The following MECOM variants were observed in gnomAD, a reference collection of about 807,000 sequenced individuals.
MECOM encodes MDS1 and EVI1 complex locus.
MECOM carries 13 observed loss-of-function variants against 116.3 expected under a neutral mutation model. The observed-to-expected ratio is 0.11, with a 90% confidence interval of 0.07 to 0.18. The LOEUF is 0.18. MECOM is among the 10% of genes least tolerant of loss of function. The pLI is 1.00. For synonymous variants in MECOM, 528 were observed against 535.2 expected (o/e 0.99, Z 0.19); for missense variants, 1,299 against 1,509.0 (o/e 0.86, Z 2.31).
intron 2 of MECOM, among the ~76,000 whole-genome samples, chr3:169,247,151 T>G (rs910626169): frequency 6.6e-6 from 1 of 152,216 alleles, no homozygotes; most frequent in Non-Finnish European, 1.5e-5. Context: ...TGAAACTTTT[T>G]GTATAACCCT....
chr3:169,527,955 G>C (rs1758152730), intron 1 of MECOM, among the ~76,000 whole-genome samples: 1 of 152,156 alleles, frequency 6.6e-6, no homozygotes, highest in East Asian at 1.9e-4. Flanking sequence ...GCATACTTAG[G>C]CGTGTGCATG....
intron 2 of MECOM, among the ~76,000 whole-genome samples, chr3:169,318,890 G>A (rs960964675): frequency 1.3e-5 from 2 of 152,106 alleles, no homozygotes; most frequent in South Asian, 2.1e-4. Flanking sequence ...CCTGAGGTCA[G>A]GAGTTCGAGA....
chr3:169,089,943 T>C, intron 15 of MECOM, 57 bp downstream of exon 15: 1 of 1,538,612 alleles, frequency 6.5e-7, no homozygotes, highest in Non-Finnish European at 8.7e-7. Context: ...CAGGAGGAAT[T>C]GCAACCGTAC....
chr3:169,572,765 G>A (rs1764057096), intron 1 of MECOM, among the ~76,000 whole-genome samples: 1 of 152,064 alleles, frequency 6.6e-6, no homozygotes, highest in African/African-American at 2.4e-5. Context: ...ACTCATAAGT[G>A]GGAGTTGAAC....
chr3:169,286,259 T>C (rs1358459850), intron 2 of MECOM, among the ~76,000 whole-genome samples: 3 of 152,164 alleles, frequency 2.0e-5, no homozygotes, highest in East Asian at 1.9e-4. Context: ...AGGGACCCAG[T>C]AGGGCTGCCT....
At chr3:169,362,099 A>G (rs949236818) in intron 2 of MECOM, among the ~76,000 whole-genome samples, 1 of 151,896 alleles carries the variant, frequency 6.6e-6, no homozygotes, top group African/African-American at 2.4e-5. Context: ...ATGTAATTTA[A>G]AGTTAACTTG....
intron 2 of MECOM, among the ~76,000 whole-genome samples, chr3:169,248,194 A>C (rs150413782): frequency 2.4e-3 from 370 of 152,318 alleles, no homozygotes; most frequent in African/African-American, 8.6e-3. Context: ...TACTTGGGAA[A>C]ATCACTCCAA....
At chr3:169,543,644 A>G (rs1165069401) in intron 1 of MECOM, among the ~76,000 whole-genome samples, 1 of 152,192 alleles carries the variant, frequency 6.6e-6, no homozygotes, top group Admixed American at 6.5e-5. Context: ...AAATCAAAAC[A>G]CAATTCTAAC....
intron 1 of MECOM, among the ~76,000 whole-genome samples, chr3:169,529,081 T>C (rs977753014): frequency 6.7e-6 from 1 of 149,534 alleles, no homozygotes; most frequent in Non-Finnish European, 1.5e-5. Flanking sequence ...AGTGATTGAA[T>C]AAAAATTAAA....
chr3:169,100,772 C>T (rs9857376), intron 12 of MECOM, 113 bp downstream of exon 12: 435,427 of 452,616 alleles, frequency 0.96, 209,527 homozygotes, highest in East Asian at 0.99. Flanking sequence ...TATTCAGACA[C>T]GCATAAAATT....
At chr3:169,638,032 A>G (rs2110010562) in intron 1 of MECOM, among the ~76,000 whole-genome samples, 1 of 152,358 alleles carries the variant, frequency 6.6e-6, no homozygotes, top group African/African-American at 2.4e-5. Flanking sequence ...GTCTCTCTGG[A>G]GAAGAAATAT....
chr3:169,108,355 G>T (rs374476130), intron 9 of MECOM, among the ~76,000 whole-genome samples: 3 of 152,224 alleles, frequency 2.0e-5, no homozygotes, highest in Middle Eastern at 3.4e-3. Flanking sequence ...ACAAAGAAAA[G>T]ATATTTACTC....
At chr3:169,540,810 C>T (rs998714455) in intron 1 of MECOM, among the ~76,000 whole-genome samples, 3 of 152,126 alleles carry the variant, frequency 2.0e-5, no homozygotes, top group Non-Finnish European at 4.4e-5. Context: ...TTTCCTTCCT[C>T]TCAAACATAT....
chr3:169,387,188 T>C (rs1733481524), intron 1 of MECOM, among the ~76,000 whole-genome samples: 1 of 152,218 alleles, frequency 6.6e-6, no homozygotes, highest in Admixed American at 6.5e-5. Context: ...CCTTGAATTT[T>C]CTTTGAGTTT....
At chr3:169,184,298 T>C (rs1746430611) in intron 2 of MECOM, among the ~76,000 whole-genome samples, 1 of 152,024 alleles carries the variant, frequency 6.6e-6, no homozygotes, top group Non-Finnish European at 1.5e-5. Flanking sequence ...AGAATAAACG[T>C]GACCATGGAC....
intron 1 of MECOM, among the ~76,000 whole-genome samples, chr3:169,535,321 C>T (rs886258010): frequency 6.6e-6 from 1 of 152,124 alleles, no homozygotes; most frequent in Non-Finnish European, 1.5e-5. Context: ...GAGTCCTATT[C>T]ATTCTAATAG....
intron 2 of MECOM, among the ~76,000 whole-genome samples, chr3:169,183,764 ACACACACACACACACACACACACACAC>A: frequency 7.1e-4 from 1 of 1,408 alleles, no homozygotes; most frequent in South Asian, 0.015. Flanking sequence ...ACATACATAC[ACACACACACACACACACACACACACAC>A]ACACACACAC....
intron 1 of MECOM, among the ~76,000 whole-genome samples, chr3:169,657,965 T>C (rs527773695): frequency 3.3e-5 from 5 of 152,342 alleles, no homozygotes; most frequent in African/African-American, 1.2e-4. Context: ...TCTCCCTTCC[T>C]GTCTCCCTCT....
At chr3:169,175,624 C>A (rs1376297064) in intron 2 of MECOM, among the ~76,000 whole-genome samples, 2 of 152,160 alleles carry the variant, frequency 1.3e-5, no homozygotes, top group Admixed American at 6.5e-5. Flanking sequence ...CCATTTACAA[C>A]TGAAGAAACG....
Sources: gnomAD v4.1 joint callset for allele counts (sites outside exome capture counted in the v4.1 genomes callset) on GRCh38, gnomAD v4.1.1 for gene constraint, MANE v1.5 for transcripts, NCBI Gene and HGNC (gene_info 2026-07-23, HGNC 2026-07-21) for gene names.